JARID2: variants seen among roughly 807,000 people sequenced by gnomAD.
JARID2 encodes jumonji and AT-rich interaction domain containing 2.
In JARID2, 21 loss-of-function variants were observed where a neutral mutation model predicts 125.6. That is an observed-to-expected ratio of 0.17 (90% CI 0.12 to 0.24). The LOEUF is 0.24. Among genes scored for constraint, JARID2 ranks in the 10% least tolerant of loss-of-function variants. The pLI is 1.00. For missense variants in JARID2, 1,303 were observed against 1,639.6 expected, an observed-to-expected ratio of 0.79 and a Z score of 3.55; for synonymous variants, 736 against 661.6, an observed-to-expected ratio of 1.11 and a Z score of -1.73.
chr6:15,436,582 G>C (rs976718904), intron 3 of JARID2, among the ~76,000 whole-genome samples: 1 of 152,116 alleles, frequency 6.6e-6, no homozygotes, highest in African/African-American at 2.4e-5. Context: ...TCCTCACTTA[G>C]GTCTTGGGAG....
intron 7 of JARID2, among the ~76,000 whole-genome samples, chr6:15,497,390 G>A (rs1770504739): frequency 1.3e-5 from 2 of 152,298 alleles, no homozygotes; most frequent in African/African-American, 4.8e-5. Context: ...TGCCGGGCGC[G>A]GTGGCTCACG....
chr6:15,327,981 C>T (rs1762588091), intron 1 of JARID2, among the ~76,000 whole-genome samples: 1 of 152,078 alleles, frequency 6.6e-6, no homozygotes. Flanking sequence ...TTCAGAGAAC[C>T]CCTACCATCC....
intron 5 of JARID2, among the ~76,000 whole-genome samples, chr6:15,469,876 A>G (rs1768985585): frequency 6.6e-6 from 1 of 152,062 alleles, no homozygotes; most frequent in African/African-American, 2.4e-5. Flanking sequence ...TGGGGGAATG[A>G]GAGTAAGAAA....
chr6:15,450,653 T>C (rs968884514), intron 3 of JARID2, among the ~76,000 whole-genome samples: 3 of 152,166 alleles, frequency 2.0e-5, no homozygotes, highest in Non-Finnish European at 1.5e-5. Context: ...CAGGTCTAGG[T>C]GAACAGTTTA....
chr6:15,310,938 T>G (rs1239663665), intron 1 of JARID2, among the ~76,000 whole-genome samples: 1 of 152,202 alleles, frequency 6.6e-6, no homozygotes, highest in Non-Finnish European at 1.5e-5. Context: ...CTGAGTTGTC[T>G]TCTCACGGCT....
intron 2 of JARID2, among the ~76,000 whole-genome samples, chr6:15,403,670 A>G (rs2127558834): frequency 6.6e-6 from 1 of 152,296 alleles, no homozygotes; most frequent in South Asian, 2.1e-4. Context: ...GTCAGGTCTT[A>G]GTATCTAACG....
At chr6:15,483,322 G>A (rs1179838822) in intron 5 of JARID2, among the ~76,000 whole-genome samples, 1 of 151,702 alleles carries the variant, frequency 6.6e-6, no homozygotes, top group Admixed American at 6.6e-5. Flanking sequence ...GTGCTCAGGG[G>A]CCATGATTCA....
intron 2 of JARID2, among the ~76,000 whole-genome samples, chr6:15,387,515 CT>C (rs1426500846): frequency 1.3e-5 from 2 of 152,160 alleles, no homozygotes; most frequent in African/African-American, 4.8e-5. Context: ...CCCTGTGCCC[CT>C]ATGACCTTAT....
At chr6:15,482,002 T>G (rs1769642493) in intron 5 of JARID2, among the ~76,000 whole-genome samples, 1 of 152,236 alleles carries the variant, frequency 6.6e-6, no homozygotes, top group African/African-American at 2.4e-5. Flanking sequence ...CAGTAGGTTT[T>G]GTGACCTCAA....
At chr6:15,318,433 A>G (rs1315845143) in intron 1 of JARID2, among the ~76,000 whole-genome samples, 2 of 152,212 alleles carry the variant, frequency 1.3e-5, no homozygotes, top group Non-Finnish European at 2.9e-5. Context: ...TACCTAGAAT[A>G]GTTTCCATGT....
At position 15,520,299 on chromosome 6, in the gene JARID2, T is replaced by C. The variant is rs1771773751; in HGVS notation, c.*48T>C. The C allele has an allele frequency of 1.1e-5, 16 of 1,408,568 alleles. No individual in the cohort carries two copies. Among genetic ancestry groups the C allele is most frequent in the Non-Finnish European group, 1.5e-5 (16 of 1,054,848 alleles). 87.3% of individuals were successfully genotyped at this position (1,408,568 alleles called of 1,614,324 possible). On this transcript the variant is annotated 3_prime_UTR_variant, in exon 18 of 18. Transcript: ENST00000341776. Reference sequence around the variant, plus strand: ...TTTATATATATTTTTTTGTAATTATTATATTCTAGTTTGGAGTACTTGCTG... The same window carrying C: ...TTTATATATATTTTTTTGTAATTATCATATTCTAGTTTGGAGTACTTGCTG...
chr6:15,297,909 T>C (rs1053323460), intron 1 of JARID2, among the ~76,000 whole-genome samples: 1 of 116,936 alleles, frequency 8.6e-6, no homozygotes, highest in Non-Finnish European at 1.8e-5. Context: ...ATTTAGGAAG[T>C]GGAAAAAGAA....
At chr6:15,514,631 G>A (rs1178269688) in intron 16 of JARID2, among the ~76,000 whole-genome samples, 7 of 148,622 alleles carry the variant, frequency 4.7e-5, no homozygotes, top group African/African-American at 1.0e-4. Context: ...GAGTCAGATC[G>A]TCAGATCGTC....
At chr6:15,317,513 C>G (rs1044647034) in intron 1 of JARID2, among the ~76,000 whole-genome samples, 2 of 152,126 alleles carry the variant, frequency 1.3e-5, no homozygotes, top group African/African-American at 2.4e-5. Context: ...CTTCAGTAGA[C>G]CTGGAGTCTT....
chr6:15,246,276 G>A lies in JARID2; in HGVS notation c.-264G>A, dbSNP rs1050566773. On this transcript the variant is annotated 5_prime_UTR_variant, in exon 1 of 18. Transcript: ENST00000341776. ...TGTGTGTGTGTGTATGTGTTTCGGG[G>A]GAAATTTTCCATTATGAGTGTTTTA... 1.8e-6 allele frequency: 1 copy of A among 552,754 alleles called. No homozygotes were observed. Among genetic ancestry groups the A allele is most frequent in the Non-Finnish European group, 3.2e-6 (1 of 315,248 alleles). 34.2% of individuals were successfully genotyped at this position (552,754 alleles called of 1,614,324 possible).
intron 2 of JARID2, among the ~76,000 whole-genome samples, chr6:15,394,770 A>G (rs1425323313): frequency 6.6e-6 from 1 of 152,220 alleles, no homozygotes; most frequent in Non-Finnish European, 1.5e-5. Flanking sequence ...AGGGAACAGC[A>G]TGTGCAAAGG....
At chr6:15,436,274 A>G (rs1767197141) in intron 3 of JARID2, among the ~76,000 whole-genome samples, 1 of 152,198 alleles carries the variant, frequency 6.6e-6, no homozygotes, top group Admixed American at 6.5e-5. Context: ...GTTTTATTGC[A>G]TAGAAGTACC....
At chr6:15,268,553 TTGGAAGGGGTGTAAAA>T (rs942638273) in intron 1 of JARID2, among the ~76,000 whole-genome samples, 73 of 152,232 alleles carry the variant, frequency 4.8e-4, no homozygotes, top group African/African-American at 1.5e-3. Flanking sequence ...GACGGTGGCT[TTGGAAGGGGTGTAAAA>T]TGGGAGGGGG....
intron 1 of JARID2, among the ~76,000 whole-genome samples, chr6:15,270,137 C>T (rs1266484179): frequency 1.3e-5 from 2 of 152,096 alleles, no homozygotes; most frequent in African/African-American, 2.4e-5. Flanking sequence ...TCTGTCCGTC[C>T]GTCCTTCCGT....
Sources: allele counts gnomAD v4.1 joint callset (sites outside exome capture counted in the v4.1 genomes callset), GRCh38; gene constraint gnomAD v4.1.1; transcripts MANE v1.5; gene names NCBI Gene and HGNC (gene_info 2026-07-23, HGNC 2026-07-21).